The following TXNDC15 variants were observed in gnomAD, a reference collection of about 807,000 sequenced individuals.
TXNDC15 encodes thioredoxin domain containing 15.
Under a neutral mutation model 35.0 loss-of-function variants are expected in TXNDC15, and 24 were observed. That is an observed-to-expected ratio of 0.68 (90% confidence interval 0.50 to 0.96). The LOEUF (loss-of-function observed/expected upper bound fraction) is 0.96. TXNDC15 is among the 40% of genes least tolerant of loss of function. The pLI is 0.00. For synonymous variants in TXNDC15, 169 were observed against 174.0 expected (o/e 0.97, Z 0.23); for missense variants, 385 against 453.3 (o/e 0.85, Z 1.37).
At chr5:134,874,178 G>T, upstream of TXNDC15, 1 of 468,482 alleles carries the variant, frequency 2.1e-6, no homozygotes, top group Admixed American at 4.3e-5. Flanking sequence ...TCTGCACTCT[G>T]GGGTCAGCAG....
At chr5:134,880,015 C>T (rs886273127) in intron 1 of TXNDC15, among the ~76,000 whole-genome samples, 3 of 152,080 alleles carry the variant, frequency 2.0e-5, no homozygotes, top group African/African-American at 4.8e-5. Flanking sequence ...AAGCTGGTCT[C>T]GAACTCCTGA....
At chr5:134,890,369 TTTCTCTTTTCTC>T (rs1750364730) in intron 2 of TXNDC15, among the ~76,000 whole-genome samples, 1 of 150,826 alleles carries the variant, frequency 6.6e-6, no homozygotes, top group African/African-American at 2.4e-5. Flanking sequence ...TTTCTTTTCT[TTTCTCTTTTCTC>T]TTCTCTTCTT....
Position 134,896,540 on chromosome 5 carries a change from T to C in TXNDC15, c.886+116T>C, listed in dbSNP as rs1329364518. ...GAAGGATTCAAGACTGACTTTGAGT[T>C]GTAAAACTTCTCTTCTAATGAACTG... On this transcript the variant is annotated intron_variant, in intron 4 of 4. Transcript: ENST00000358387. 6.0e-6 allele frequency: 8 copies of C among 1,323,648 alleles called. No homozygotes were observed. The African/African-American group carries it at 7.5e-5, about 12-fold the overall frequency. The allele number at this position is 1,323,648 out of a possible 1,614,324, so 82.0% of individuals were successfully genotyped here.
At chr5:134,875,745 C>T (rs1460440595) in intron 1 of TXNDC15, among the ~76,000 whole-genome samples, 1 of 152,154 alleles carries the variant, frequency 6.6e-6, no homozygotes, top group Non-Finnish European at 1.5e-5. Flanking sequence ...TCTTGGCTCA[C>T]TGCAACCTCT....
At position 134,899,662 on chromosome 5, in the gene TXNDC15, C is replaced by G. The variant is rs375221443; in HGVS notation, c.1060C>G (p.Gln354Glu). 3 of 1,610,654 alleles carry G rather than the reference C, an allele frequency of 1.9e-6. No homozygotes were observed. Among genetic ancestry groups the G allele is most frequent in the African/African-American group, 1.3e-5 (1 of 74,730 alleles). Reference sequence around the variant, plus strand: ...GAGTATTCGGTGGCTAATTCCAGGACAAGAGCAGGAACATGTGGAGTAGTG... The same window carrying G: ...GAGTATTCGGTGGCTAATTCCAGGAGAAGAGCAGGAACATGTGGAGTAGTG... ...TESIRWLIPG[Q>E]EQEHVE The change falls in exon 5 of 5, where the codon CAA (glutamine) becomes GAA (glutamate). Residue 354 changes from glutamine (Q) to glutamate (E), a missense_variant. Physicochemically the swap from Gln to Glu is conservative, Grantham distance 29 (BLOSUM62 2). Coordinates refer to ENST00000358387, the MANE Select transcript of TXNDC15 (RefSeq NM_024715.4).
chr5:134,889,041 G>T (rs1750334940), intron 2 of TXNDC15, among the ~76,000 whole-genome samples: 1 of 152,154 alleles, frequency 6.6e-6, no homozygotes, highest in South Asian at 2.1e-4. Flanking sequence ...GTCAGTGAGG[G>T]CACAGCACCT....
intron 1 of TXNDC15, among the ~76,000 whole-genome samples, chr5:134,885,823 C>T (rs1345486148): frequency 6.6e-6 from 1 of 151,974 alleles, no homozygotes; most frequent in Non-Finnish European, 1.5e-5. Context: ...AACTGATTTC[C>T]TGAAACTGTT....
chr5:134,884,658 C>A (rs945018038), intron 1 of TXNDC15, among the ~76,000 whole-genome samples: 4 of 151,968 alleles, frequency 2.6e-5, no homozygotes, highest in Admixed American at 2.6e-4. Flanking sequence ...CCTCTGCCTC[C>A]CAGGTCGATT....
In TXNDC15 at chr5:134,882,199, C is replaced by T. The variant is rs1018774330; in HGVS notation, c.104-5496C>T. 6.0e-5 allele frequency among the ~76,000 whole-genome samples: 9 copies of T among 150,958 alleles called. No homozygotes were observed. In the East Asian group the frequency reaches 7.8e-4, roughly 13 times the overall value. On this transcript the variant is annotated intron_variant, in intron 1 of 4. Transcript: ENST00000358387. ...CCGGGCAGAGACGCTCCTCACATCC[C>T]GGACGGGGCGACAGGGCAGAGGCGC... is the stretch of plus-strand genomic sequence containing the variant.
intron 1 of TXNDC15, among the ~76,000 whole-genome samples, chr5:134,878,399 T>G (rs530301587): frequency 6.6e-6 from 1 of 152,362 alleles, no homozygotes; most frequent in African/African-American, 2.4e-5. Context: ...TTGGTGGTAT[T>G]GTCTCCATTT....
chr5:134,898,633 G>A (rs1377033994), intron 4 of TXNDC15, among the ~76,000 whole-genome samples: 1 of 152,180 alleles, frequency 6.6e-6, no homozygotes, highest in East Asian at 1.9e-4. Context: ...ATCCCTGATT[G>A]TCATTTCGAT....
At position 134,874,416 on chromosome 5, in the gene TXNDC15, T is replaced by A. The variant is rs372985421; in HGVS notation, c.-12T>A. 10 of 1,590,804 alleles carry A rather than the reference T, an allele frequency of 6.3e-6. No homozygotes were observed. Among genetic ancestry groups the A allele is most frequent in the Non-Finnish European group, 8.5e-6 (10 of 1,173,288 alleles). On this transcript the variant is annotated 5_prime_UTR_variant, in exon 1 of 5. Transcript: ENST00000358387. ...CGCGTAGCCGTGCGCCGATTGCCTC[T>A]CGGCCTGGGCAATGGTCCCGGCTGC... is the stretch of plus-strand genomic sequence containing the variant.
Position 134,881,403 on chromosome 5 carries a change from T to TGCCTTCAA in TXNDC15, c.104-6289_104-6282dup, listed in dbSNP as rs1750141453. Among the ~76,000 whole-genome samples the TGCCTTCAA allele has an allele frequency of 5.2e-5, 5 of 95,866 alleles. No homozygotes were observed. The South Asian group carries it at 2.0e-3, about 38-fold the overall frequency. 62.9% of individuals were successfully genotyped at this position (95,866 alleles called of 152,430 possible). On this transcript the variant is annotated intron_variant, in intron 1 of 4. Coordinates refer to ENST00000358387, the MANE Select transcript of TXNDC15 (RefSeq NM_024715.4). ...TGGTGATGACTCTTAACGAGCATGC[T>TGCCTTCAA]GCCTTCAAGCGTCTGTTTAACAAAG...
Position 134,888,009 on chromosome 5 carries a change from T to G in TXNDC15, c.418T>G (p.Phe140Val), listed in dbSNP as rs1420717147. 4 of 1,614,172 alleles carry G rather than the reference T, an allele frequency of 2.5e-6. No homozygotes were observed. Among genetic ancestry groups the G allele is most frequent in the South Asian group, 1.1e-5 (1 of 91,084 alleles). ...CTCTCTGGATGGCGCTGGAGCACAC[T>G]TCCCTGACAGAGAAGAGGAGTATTA... ...LFSLDGAGAH[F>V]PDREEEYYTE... The change falls in exon 2 of 5, where the codon TTC (phenylalanine) becomes GTC (valine). Residue 140 changes from phenylalanine to valine, a missense_variant. Physicochemically the swap from Phe to Val is conservative, Grantham distance 50. Coordinates refer to ENST00000358387, the MANE Select transcript of TXNDC15 (RefSeq NM_024715.4).
At chr5:134,886,949 T>C (rs150667425) in intron 1 of TXNDC15, among the ~76,000 whole-genome samples, 4 of 152,374 alleles carry the variant, frequency 2.6e-5, no homozygotes, top group East Asian at 1.9e-4. Context: ...AGGACTGTTA[T>C]AATGTGTGCA....
chr5:134,899,361 A>C (rs930202604), intron 4 of TXNDC15, 128 bp from the exon 5 acceptor site: 21 of 714,888 alleles, frequency 2.9e-5, no homozygotes, highest in Non-Finnish European at 4.6e-5. Flanking sequence ...CCATATATTT[A>C]TATATATACT....
rs749262926 is a variant in TXNDC15 at position 134,899,610 on chromosome 5, T to C, written c.1008T>C (p.Phe336=). ...LVFSLFFLIS[F]IMYATIRTES... ...TTTCCTTATTCTTTTTAATTAGTTT[T>C]ATTATGTATGCTACCATTCGAACTG... The change falls in exon 5 of 5, where the codon TTT becomes TTC. Residue 336 remains phenylalanine, a synonymous_variant. Transcript: ENST00000358387. The C allele has an allele frequency of 4.3e-6, 7 of 1,614,052 alleles. No individual in the cohort carries two copies. Among genetic ancestry groups the C allele is most frequent in the Non-Finnish European group, 5.9e-6 (7 of 1,180,004 alleles).
intron 1 of TXNDC15, among the ~76,000 whole-genome samples, chr5:134,880,553 C>G (rs759136480): frequency 6.6e-6 from 1 of 151,758 alleles, no homozygotes; most frequent in East Asian, 1.9e-4. Flanking sequence ...TCTCTTGCCT[C>G]GGCCTCCCGA....
chr5:134,899,780 C>CT lies in TXNDC15; in HGVS notation c.*97dup, dbSNP rs1750565792. Reference sequence around the variant, plus strand: ...TACATTTTCTCCAGTGACGTGTTGACTTGAAACTTCAGGCAGATTAAAAGA... The same window carrying CT: ...TACATTTTCTCCAGTGACGTGTTGACTTTGAAACTTCAGGCAGATTAAAAGA... On this transcript the variant is annotated 3_prime_UTR_variant, in exon 5 of 5. Transcript: ENST00000358387. 1 of 1,011,942 alleles carries CT rather than the reference C, an allele frequency of 9.9e-7. No homozygotes were observed. The highest frequency in any genetic ancestry group is 1.4e-6 in the Non-Finnish European group (1 of 705,090). 62.7% of individuals were successfully genotyped at this position (1,011,942 alleles called of 1,614,324 possible). A position where few individuals can be genotyped will look rare whatever the true frequency, so the allele number is the denominator to read the frequency against.
Sources: gnomAD v4.1 joint callset for allele counts (sites outside exome capture counted in the v4.1 genomes callset) on GRCh38, gnomAD v4.1.1 for gene constraint, MANE v1.5 for transcripts, NCBI Gene and HGNC (gene_info 2026-07-23, HGNC 2026-07-21) for gene names.